Variants in DOCK2 observed in about 807,000 individuals in gnomAD.
The protein encoded by DOCK2 is dedicator of cytokinesis 2.
In DOCK2, 87 loss-of-function variants were observed where a neutral mutation model predicts 248.9. The observed-to-expected ratio is 0.35, with a 90% confidence interval of 0.29 to 0.42. The LOEUF (loss-of-function observed/expected upper bound fraction) is 0.42, where lower values mean the gene tolerates loss of function less well. DOCK2 is among the 10% of genes least tolerant of loss of function. The pLI, the probability that DOCK2 is intolerant of heterozygous loss-of-function variation, is 1.00. For missense variants in DOCK2, 1,747 were observed against 2,300.2 expected (o/e 0.76, Z 4.92); for synonymous variants, 805 against 821.6 (o/e 0.98, Z 0.35).
intron 25 of DOCK2, among the ~76,000 whole-genome samples, chr5:169,765,825 GT>G (rs1023107957): frequency 4.6e-5 from 7 of 152,160 alleles, no homozygotes; most frequent in Non-Finnish European, 7.3e-5. Context: ...TTGAGAAGCT[GT>G]TTTTTGAGCA....
intron 25 of DOCK2, among the ~76,000 whole-genome samples, chr5:169,771,179 T>C (rs1423836739): frequency 6.6e-6 from 1 of 152,278 alleles, no homozygotes; most frequent in Non-Finnish European, 1.5e-5. Context: ...CTGTCTTCAG[T>C]TGCATTTCCT....
At chr5:169,916,038 T>C (rs972177109) in intron 27 of DOCK2, among the ~76,000 whole-genome samples, 1 of 152,186 alleles carries the variant, frequency 6.6e-6, no homozygotes, top group Non-Finnish European at 1.5e-5. Flanking sequence ...CATTTTCTCA[T>C]GTTTAGATTA....
chr5:169,759,803 G>T, intron 24 of DOCK2, 28 bp downstream of exon 24: 3 of 1,613,404 alleles, frequency 1.9e-6, no homozygotes, highest in Non-Finnish European at 2.5e-6. Context: ...ACTTTCTTGG[G>T]CTCTGCTGGC....
At chr5:169,940,253 G>C (rs950595463) in intron 27 of DOCK2, among the ~76,000 whole-genome samples, 4 of 152,202 alleles carry the variant, frequency 2.6e-5, no homozygotes, top group African/African-American at 9.7e-5. Context: ...TGCCAGCTGT[G>C]TGCCAGACTC....
At chr5:169,883,515 G>A in intron 27 of DOCK2, 1 of 1,551,640 alleles carries the variant, frequency 6.4e-7, no homozygotes, top group Middle Eastern at 1.7e-4. Context: ...TGGCACTTTG[G>A]GAGGCTGTTG....
At chr5:169,701,752 A>G (rs111717777) in intron 13 of DOCK2, among the ~76,000 whole-genome samples, 12,223 of 152,146 alleles carry the variant, frequency 0.08, 1,005 homozygotes, top group Admixed American at 0.27. Context: ...TCCTGAGCTC[A>G]GGCGATCTGC....
At chr5:169,924,790 G>C (rs552406148) in intron 27 of DOCK2, among the ~76,000 whole-genome samples, 2 of 152,170 alleles carry the variant, frequency 1.3e-5, no homozygotes, top group African/African-American at 4.8e-5. Flanking sequence ...TCAATCTGAA[G>C]TATCCTGGGA....
At chr5:169,884,885 T>C (rs1772876203) in intron 27 of DOCK2, 1 of 152,170 alleles carries the variant, frequency 6.6e-6, no homozygotes, top group East Asian at 1.9e-4. Flanking sequence ...CTCTTCAAAT[T>C]CTAACTTCCT....
intron 27 of DOCK2, among the ~76,000 whole-genome samples, chr5:169,968,522 C>A (rs982219714): frequency 6.6e-6 from 1 of 152,146 alleles, no homozygotes; most frequent in African/African-American, 2.4e-5. Context: ...GGTCAATGTT[C>A]AGGGGGCCCA....
chr5:169,785,665 G>C (rs1239204989), intron 25 of DOCK2, among the ~76,000 whole-genome samples: 1 of 152,164 alleles, frequency 6.6e-6, no homozygotes, highest in African/African-American at 2.4e-5. Context: ...CCCTAAAGCA[G>C]AAGTTTCTTC....
intron 46 of DOCK2, among the ~76,000 whole-genome samples, chr5:170,074,206 A>AT (rs1408580062): frequency 6.6e-6 from 1 of 152,066 alleles, no homozygotes. Context: ...TATTAGTTAA[A>AT]TTTTTTAGAA....
intron 26 of DOCK2, among the ~76,000 whole-genome samples, chr5:169,838,228 G>T (rs949234199): frequency 2.6e-5 from 4 of 152,172 alleles, no homozygotes; most frequent in African/African-American, 4.8e-5. Context: ...AGAAATCTCT[G>T]ATCGTGTTCC....
intron 27 of DOCK2, among the ~76,000 whole-genome samples, chr5:169,921,982 A>G (rs982183862): frequency 3.9e-5 from 6 of 152,228 alleles, no homozygotes; most frequent in African/African-American, 1.2e-4. Flanking sequence ...ATCTGTGTCT[A>G]TCAGAATCCC....
At chr5:169,871,599 A>G (rs913269948) in intron 27 of DOCK2, among the ~76,000 whole-genome samples, 1 of 152,156 alleles carries the variant, frequency 6.6e-6, no homozygotes, top group African/African-American at 2.4e-5. Context: ...CAGAATCCGA[A>G]CCCTGACAGT....
chr5:169,679,670 C>T (rs1759544403), intron 6 of DOCK2, among the ~76,000 whole-genome samples: 1 of 152,214 alleles, frequency 6.6e-6, no homozygotes, highest in South Asian at 2.1e-4. Flanking sequence ...CTCTGCTAAG[C>T]ATTAGCTGAA....
intron 27 of DOCK2, among the ~76,000 whole-genome samples, chr5:169,964,254 C>T (rs1344011116): frequency 6.6e-6 from 1 of 152,132 alleles, no homozygotes. Context: ...GCCTGGAGTT[C>T]AGGACTTCTG....
At chr5:169,822,365 G>A (rs908265397) in intron 26 of DOCK2, among the ~76,000 whole-genome samples, 18 of 152,146 alleles carry the variant, frequency 1.2e-4, no homozygotes, top group African/African-American at 4.1e-4. Context: ...CACATAGGTG[G>A]AAGTAAAGCA....
intron 27 of DOCK2, among the ~76,000 whole-genome samples, chr5:169,915,275 T>TTAC (rs1388284397): frequency 2.6e-5 from 4 of 152,198 alleles, no homozygotes; most frequent in Non-Finnish European, 4.4e-5. Flanking sequence ...ATGCTAATTA[T>TTAC]TACCAGTTTT....
chr5:169,885,016 T>A (rs1303810105), intron 27 of DOCK2, among the ~76,000 whole-genome samples: 1 of 152,200 alleles, frequency 6.6e-6, no homozygotes, highest in Non-Finnish European at 1.5e-5. Flanking sequence ...CCTGTCTGCC[T>A]GGACCCTTTT....
Sources: gnomAD v4.1 joint callset for allele counts (sites outside exome capture counted in the v4.1 genomes callset) on GRCh38, gnomAD v4.1.1 for gene constraint, MANE v1.5 for transcripts, NCBI Gene and HGNC (gene_info 2026-07-23, HGNC 2026-07-21) for gene names.